Variants in LMLN observed in about 807,000 individuals in gnomAD.
LMLN encodes the protein leishmanolysin like peptidase, also known as leishmanolysin-like peptidase.
In LMLN, 70 loss-of-function variants were observed where a neutral mutation model predicts 92.3. That is an observed-to-expected ratio of 0.76 (90% CI 0.63 to 0.92). The LOEUF (loss-of-function observed/expected upper bound fraction) is 0.92. Ranked by LOEUF, LMLN falls within the 40% of genes least tolerant of loss-of-function variation. The probability of loss-of-function intolerance (pLI) is 0.00; values close to 1 mark genes in which losing one functional copy is unlikely to be tolerated. For synonymous variants in LMLN, 308 were observed against 296.2 expected (o/e 1.04, Z -0.41); for missense variants, 691 against 814.6 (o/e 0.85, Z 1.85).
intron 14 of LMLN, among the ~76,000 whole-genome samples, chr3:198,026,682 G>A (rs538193168): frequency 3.9e-5 from 6 of 152,262 alleles, no homozygotes; most frequent in South Asian, 2.1e-4. Flanking sequence ...GGAATTAACC[G>A]TTTCTCCAGA....
chr3:198,002,467 G>A (rs1193202474), intron 11 of LMLN, among the ~76,000 whole-genome samples: 1 of 152,252 alleles, frequency 6.6e-6, no homozygotes, highest in African/African-American at 2.4e-5. Context: ...GCTGGGCACA[G>A]TGGCTCATAC....
At chr3:197,968,221 A>G (rs1363970229) in intron 1 of LMLN, among the ~76,000 whole-genome samples, 1 of 152,030 alleles carries the variant, frequency 6.6e-6, no homozygotes, top group African/African-American at 2.4e-5. Flanking sequence ...AATCCCAGCA[A>G]TTTGGGAGGC....
intron 11 of LMLN, among the ~76,000 whole-genome samples, chr3:198,014,799 G>A (rs1259403493): frequency 1.9e-3 from 105 of 55,472 alleles, no homozygotes; most frequent in African/African-American, 8.4e-3. Flanking sequence ...TCTCTCCACC[G>A]TTCAGAGCCC....
Position 198,042,980 on chromosome 3 carries a change from C to T in LMLN, c.*4313C>T, listed in dbSNP as rs1421430382. 6.6e-6 allele frequency: 1 copy of T among 152,146 alleles called. No individual in the cohort carries two copies. Among genetic ancestry groups the T allele is most frequent in the Non-Finnish European group, 1.5e-5 (1 of 68,028 alleles). The allele number at this position is 152,146 out of a possible 1,614,324, so 9.4% of individuals were successfully genotyped here. A position where few individuals can be genotyped will look rare whatever the true frequency, so the allele number is the denominator to read the frequency against. On this transcript the variant is annotated 3_prime_UTR_variant, in exon 16 of 16. Transcript: ENST00000330198. The surrounding 1 kb of genome is among the most constrained non-coding windows in gnomAD (Gnocchi z 4.2). The stretch of plus-strand genomic sequence containing the variant: ...GTTATTTTTGTTGAGATCAAATAGA[C>T]ATTCTATAAATGTTATAAATTATGC...
chr3:198,014,119 A>C (rs1722541982), intron 11 of LMLN, among the ~76,000 whole-genome samples: 1 of 143,974 alleles, frequency 6.9e-6, no homozygotes, highest in African/African-American at 2.7e-5. Context: ...AACTAGTCTG[A>C]CTTCTCTGTA....
chr3:197,990,245 T>C (rs763278822), intron 8 of LMLN, among the ~76,000 whole-genome samples: 55 of 152,094 alleles, frequency 3.6e-4, no homozygotes, highest in Non-Finnish European at 1.3e-4. Context: ...AAATTTTTTG[T>C]GGAGACAAGG....
intron 1 of LMLN, among the ~76,000 whole-genome samples, chr3:197,971,242 G>A (rs1721214731): frequency 6.6e-6 from 1 of 152,172 alleles, no homozygotes; most frequent in Non-Finnish European, 1.5e-5. Context: ...CCACATGGCT[G>A]GGGAGGCCTC....
intron 7 of LMLN, among the ~76,000 whole-genome samples, chr3:197,985,329 T>A (rs1490293027): frequency 6.6e-6 from 1 of 151,650 alleles, no homozygotes; most frequent in Non-Finnish European, 1.5e-5. Flanking sequence ...TTCTTCTATA[T>A]ATATAAGAAG....
chr3:198,012,260 T>G (rs1722466498), intron 11 of LMLN, among the ~76,000 whole-genome samples: 1 of 152,144 alleles, frequency 6.6e-6, no homozygotes, highest in Admixed American at 6.5e-5. Context: ...AGACGGGGTT[T>G]CATTCTGTTG....
intron 8 of LMLN, among the ~76,000 whole-genome samples, chr3:197,986,936 T>C (rs977475986): frequency 4.0e-5 from 6 of 148,240 alleles, no homozygotes; most frequent in Admixed American, 1.4e-4. Context: ...GCCTCCAGGG[T>C]TCACGCCATT....
intron 1 of LMLN, 126 bp downstream of exon 1, chr3:197,960,566 C>G (rs1720833975): frequency 3.6e-6 from 3 of 826,056 alleles, no homozygotes; most frequent in Non-Finnish European, 5.6e-6. Context: ...GAGCCTGACT[C>G]TTACAGGCCT....
Position 198,007,220 on chromosome 3 carries a change from A to G in LMLN, c.1232+7878A>G, listed in dbSNP as rs563270231. Among the ~76,000 whole-genome samples the G allele has an allele frequency of 9.9e-5, 15 of 152,216 alleles. No homozygotes were observed. The East Asian group carries it at 2.5e-3, about 25-fold the overall frequency. ...GTCCAGAATATCAGTTTGTCCTCTT[A>G]CTGTGTCTTTGATGTCAAGTCTAAG... On this transcript the variant is annotated intron_variant, in intron 11 of 15. Transcript: ENST00000330198.
chr3:197,968,627 A>G (rs1183972625), intron 1 of LMLN, among the ~76,000 whole-genome samples: 2 of 152,232 alleles, frequency 1.3e-5, no homozygotes, highest in Non-Finnish European at 2.9e-5. Context: ...TTCACAATTT[A>G]TGTTCCTCTG....
At position 197,968,053 on chromosome 3, in the gene LMLN, CAT is replaced by C. The variant is rs1165999781; in HGVS notation, c.220-6323_220-6322del. On this transcript the variant is annotated intron_variant, in intron 1 of 15. Coordinates refer to ENST00000330198, the Ensembl canonical transcript of LMLN. ...ACTGATTTCATATTGTTCAAACACA[CAT>C]GTTTTACAATCAATTTATACAGTTA... 9.8e-5 allele frequency among the ~76,000 whole-genome samples: 15 copies of C among 152,306 alleles called. No individual in the cohort carries two copies. The East Asian group carries it at 1.9e-3, about 20-fold the overall frequency.
intron 14 of LMLN, among the ~76,000 whole-genome samples, chr3:198,030,969 AG>A (rs1723063797): frequency 7.0e-6 from 1 of 143,054 alleles, no homozygotes; most frequent in Admixed American, 7.0e-5. Flanking sequence ...CTCTGCCCTC[AG>A]GGTCCTCAGC....
intron 11 of LMLN, among the ~76,000 whole-genome samples, chr3:197,999,937 T>C (rs1209962961): frequency 6.6e-6 from 1 of 152,234 alleles, no homozygotes; most frequent in African/African-American, 2.4e-5. Context: ...TAAACAATTT[T>C]TAAATTATAA....
rs1722493448 is a variant in LMLN at position 198,012,927 on chromosome 3, CT to C, written c.1233-6325del. 1.4e-4 allele frequency among the ~76,000 whole-genome samples: 17 copies of C among 122,766 alleles called. 2 individuals are homozygous for C. The highest frequency in any genetic ancestry group is 7.2e-4 in the African/African-American group (17 of 23,574). The allele number at this position is 122,766 out of a possible 152,430, so 80.5% of individuals were successfully genotyped here. ...CTCTGTACCCTTCAGAGTCCCCTAA[CT>C]AGTCTGACTTCTCTGTACCCTTCAG... On this transcript the variant is annotated intron_variant, in intron 11 of 15. Transcript: ENST00000330198.
At chr3:198,006,474 A>C (rs1223591886) in intron 11 of LMLN, among the ~76,000 whole-genome samples, 1 of 152,172 alleles carries the variant, frequency 6.6e-6, no homozygotes, top group Non-Finnish European at 1.5e-5. Context: ...TTACAGGTTT[A>C]GTTTTGTAAG....
At chr3:197,996,099 A>G (rs1258026379) in intron 9 of LMLN, 76 bp from the exon 10 acceptor site, 1 of 646,286 alleles carries the variant, frequency 1.5e-6, no homozygotes. Context: ...TATTATATTC[A>G]TGTGATGAAA....
Sources: gnomAD v4.1 joint callset for allele counts (sites outside exome capture counted in the v4.1 genomes callset) on GRCh38, gnomAD v4.1.1 for gene constraint, Gnocchi (gnomAD v3.1) non-coding constraint, MANE v1.5 for transcripts, NCBI Gene and HGNC (gene_info 2026-07-23, HGNC 2026-07-21) for gene names.